The following CNTN4 variants were observed in gnomAD, a reference collection of about 807,000 sequenced individuals.
CNTN4 encodes contactin-4.
Under a neutral mutation model 122.5 loss-of-function variants are expected in CNTN4, and 77 were observed. That is an observed-to-expected ratio of 0.63 (90% CI 0.52 to 0.76). The LOEUF (loss-of-function observed/expected upper bound fraction) is 0.76, where lower values mean the gene tolerates loss of function less well. Among genes scored for constraint, CNTN4 ranks in the 30% least tolerant of loss-of-function variants. The pLI is 0.00. For missense variants in CNTN4, 1,256 were observed against 1,259.1 expected (o/e 1.00, Z 0.04); for synonymous variants, 512 against 447.0 (o/e 1.15, Z -1.83).
At chr3:2,556,524 C>T (rs1319149429) in intron 3 of CNTN4, among the ~76,000 whole-genome samples, 2 of 152,022 alleles carry the variant, frequency 1.3e-5, no homozygotes, top group East Asian at 1.9e-4. Context: ...TTTTTATAAA[C>T]AAGTAGGGTT....
At chr3:2,858,024 C>A (rs2093634475) in intron 7 of CNTN4, among the ~76,000 whole-genome samples, 1 of 152,142 alleles carries the variant, frequency 6.6e-6, no homozygotes, top group African/African-American at 2.4e-5. Flanking sequence ...CCTATAGATT[C>A]ATATAGGACT....
chr3:2,945,755 C>T (rs1441684339), intron 13 of CNTN4, among the ~76,000 whole-genome samples: 2 of 152,150 alleles, frequency 1.3e-5, no homozygotes. Flanking sequence ...CTTTGAGTTG[C>T]AGGAAAGAAG....
At chr3:2,803,582 C>T (rs976134913) in intron 6 of CNTN4, among the ~76,000 whole-genome samples, 4 of 144,274 alleles carry the variant, frequency 2.8e-5, no homozygotes, top group African/African-American at 5.1e-5. Context: ...TTGTTTGAGA[C>T]AGAGCCTCGC....
At chr3:2,602,612 A>G (rs183529349) in intron 4 of CNTN4, among the ~76,000 whole-genome samples, 9 of 152,334 alleles carry the variant, frequency 5.9e-5, no homozygotes, top group African/African-American at 2.2e-4. Flanking sequence ...CTGGAAGAAC[A>G]TTCCATGCTC....
At chr3:2,372,723 A>G (rs2045677255) in intron 3 of CNTN4, among the ~76,000 whole-genome samples, 1 of 152,090 alleles carries the variant, frequency 6.6e-6, no homozygotes, top group South Asian at 2.1e-4. Context: ...GAGTCAGAAG[A>G]TGTGGGATCT....
chr3:2,756,177 C>G (rs2090329118), intron 6 of CNTN4, among the ~76,000 whole-genome samples: 1 of 152,170 alleles, frequency 6.6e-6, no homozygotes, highest in African/African-American at 2.4e-5. Context: ...AATTGACTAA[C>G]TATAGTGATT....
intron 2 of CNTN4, among the ~76,000 whole-genome samples, chr3:2,123,815 C>T (rs1419555997): frequency 1.3e-5 from 2 of 152,170 alleles, no homozygotes; most frequent in African/African-American, 2.4e-5. Context: ...TTGGGATGAC[C>T]AGGCAGCTTG....
chr3:3,017,369 C>T (rs1697856162), intron 14 of CNTN4, among the ~76,000 whole-genome samples: 1 of 152,124 alleles, frequency 6.6e-6, no homozygotes, highest in Non-Finnish European at 1.5e-5. Context: ...TTCCAAAGAG[C>T]AAAATTATAA....
At chr3:3,008,771 G>A (rs1482342695) in intron 14 of CNTN4, among the ~76,000 whole-genome samples, 2 of 152,122 alleles carry the variant, frequency 1.3e-5, no homozygotes, top group Non-Finnish European at 2.9e-5. Context: ...CAAAAGTGTT[G>A]CAGTTTTTAC....
In CNTN4 at chr3:2,994,808, A is replaced by G. The variant is rs150016446; in HGVS notation, c.1486+6336A>G. ...TTGCAAATGAGTTTGAAGCAGCCCA[A>G]TCTTCTATGTAAAACTGTTCAAGGC... On this transcript the variant is annotated intron_variant, in intron 14 of 24. Coordinates refer to ENST00000418658, the MANE Select transcript of CNTN4 (RefSeq NM_175607.3). Among the ~76,000 whole-genome samples, 84 of 152,244 alleles carry G rather than the reference A, an allele frequency of 5.5e-4. No individual in the cohort carries two copies. In the Middle Eastern group the frequency reaches 0.01, roughly 18 times the overall value.
At chr3:2,143,460 C>G (rs1486786892) in intron 2 of CNTN4, among the ~76,000 whole-genome samples, 1 of 152,040 alleles carries the variant, frequency 6.6e-6, no homozygotes, top group Non-Finnish European at 1.5e-5. Context: ...AATAATTAAT[C>G]ACATTATTAT....
At chr3:2,749,945 C>T (rs2090008772) in intron 6 of CNTN4, among the ~76,000 whole-genome samples, 1 of 152,112 alleles carries the variant, frequency 6.6e-6, no homozygotes, top group Non-Finnish European at 1.5e-5. Context: ...CACGTATTGT[C>T]ATACTCATTG....
chr3:2,814,024 T>C (rs75687265), intron 6 of CNTN4, among the ~76,000 whole-genome samples: 10,230 of 152,268 alleles, frequency 0.067, 397 homozygotes, highest in Non-Finnish European at 0.086. Flanking sequence ...TGTTTTCTAA[T>C]CTCATTTTAA....
At chr3:2,294,679 T>C (rs552686532) in intron 2 of CNTN4, among the ~76,000 whole-genome samples, 160 of 151,560 alleles carry the variant, frequency 1.1e-3, no homozygotes, top group Non-Finnish European at 2.0e-3. Context: ...TTCTTTCTTT[T>C]TTTAATTATT....
At chr3:2,155,099 G>A (rs2035660910) in intron 2 of CNTN4, among the ~76,000 whole-genome samples, 1 of 152,190 alleles carries the variant, frequency 6.6e-6, no homozygotes, top group African/African-American at 2.4e-5. Context: ...TCCCCTGAAA[G>A]ATTTGTTTCC....
At chr3:2,310,970 C>T (rs533561836) in intron 2 of CNTN4, among the ~76,000 whole-genome samples, 8 of 152,056 alleles carry the variant, frequency 5.3e-5, no homozygotes, top group African/African-American at 1.9e-4. Flanking sequence ...AACAAAAAGA[C>T]TCCCTTGACT....
chr3:2,224,052 TTGTC>T (rs2039167677), intron 2 of CNTN4, among the ~76,000 whole-genome samples: 1 of 152,164 alleles, frequency 6.6e-6, no homozygotes, highest in Non-Finnish European at 1.5e-5. Flanking sequence ...GTAATAAAAG[TTGTC>T]TGGAGTAGCC....
intron 3 of CNTN4, among the ~76,000 whole-genome samples, chr3:2,406,423 A>G (rs2047038471): frequency 6.6e-6 from 1 of 152,184 alleles, no homozygotes; most frequent in East Asian, 1.9e-4. Flanking sequence ...ATCATTCTTC[A>G]TCGTATCTTC....
chr3:2,257,830 G>A (rs1252640251), intron 2 of CNTN4, among the ~76,000 whole-genome samples: 1 of 152,200 alleles, frequency 6.6e-6, no homozygotes, highest in Non-Finnish European at 1.5e-5. Flanking sequence ...TTGGGAGGCC[G>A]AGGTGGGCCG....
Sources: allele counts gnomAD v4.1 joint callset (sites outside exome capture counted in the v4.1 genomes callset), GRCh38; gene constraint gnomAD v4.1.1; transcripts MANE v1.5; gene names NCBI Gene and HGNC (gene_info 2026-07-23, HGNC 2026-07-21).